The following RABGAP1L variants were observed in gnomAD, a reference collection of about 807,000 sequenced individuals.
RABGAP1L encodes the protein rab GTPase-activating protein 1-like.
In RABGAP1L, 63 loss-of-function variants were observed where a neutral mutation model predicts 137.7. That is an observed-to-expected ratio of 0.46 (90% CI 0.37 to 0.56). The LOEUF (loss-of-function observed/expected upper bound fraction) is 0.56, where lower values mean the gene tolerates loss of function less well. Ranked by LOEUF, RABGAP1L falls within the 20% of genes least tolerant of loss-of-function variation. RABGAP1L has a pLI of 0.00. For synonymous variants in RABGAP1L, 431 were observed against 433.7 expected, an observed-to-expected ratio of 0.99 and a Z score of 0.08; for missense variants, 1,095 against 1,244.0, an observed-to-expected ratio of 0.88 and a Z score of 1.80.
At chr1:174,163,806 T>C (rs1311955746) in intron 1 of RABGAP1L, among the ~76,000 whole-genome samples, 1 of 152,028 alleles carries the variant, frequency 6.6e-6, no homozygotes, top group Non-Finnish European at 1.5e-5. Flanking sequence ...TCCCAGAATA[T>C]GAAGCCTAAC....
chr1:174,251,258 T>G (rs900090937), intron 6 of RABGAP1L, among the ~76,000 whole-genome samples: 3 of 152,130 alleles, frequency 2.0e-5, no homozygotes, highest in Non-Finnish European at 4.4e-5. Flanking sequence ...TTTACACAAT[T>G]GTATATATAT....
chr1:174,878,802 T>C (rs1397195921), intron 19 of RABGAP1L, among the ~76,000 whole-genome samples: 1 of 152,104 alleles, frequency 6.6e-6, no homozygotes, highest in Non-Finnish European at 1.5e-5. Flanking sequence ...ATCAACGTTG[T>C]TTAAATGCTA....
chr1:174,569,069 A>G (rs1667797400), intron 13 of RABGAP1L, among the ~76,000 whole-genome samples: 1 of 152,234 alleles, frequency 6.6e-6, no homozygotes, highest in South Asian at 2.1e-4. Flanking sequence ...AATCAAGGAC[A>G]TAAAGTGGTT....
chr1:174,493,821 G>GGA (rs1388936178), intron 13 of RABGAP1L, among the ~76,000 whole-genome samples: 2 of 89,616 alleles, frequency 2.2e-5, no homozygotes, highest in Non-Finnish European at 4.5e-5. Context: ...GACCCTGTCT[G>GGA]AAAAAAAAAA....
chr1:174,252,618 A>C (rs368076673), intron 7 of RABGAP1L, 28 bp downstream of exon 7: 2 of 1,597,004 alleles, frequency 1.3e-6, no homozygotes, highest in African/African-American at 1.4e-5. Flanking sequence ...AAATGCTACC[A>C]AAAACTTGTA....
chr1:174,783,730 G>A (rs1445857913), intron 18 of RABGAP1L, among the ~76,000 whole-genome samples: 9 of 77,134 alleles, frequency 1.2e-4, no homozygotes, highest in Admixed American at 1.7e-4. Flanking sequence ...TTTTTTTTGA[G>A]ATGGAGCCTC....
At chr1:174,799,650 CTTA>C (rs781427283) in intron 18 of RABGAP1L, among the ~76,000 whole-genome samples, 8 of 152,060 alleles carry the variant, frequency 5.3e-5, no homozygotes, top group Non-Finnish European at 1.2e-4. Context: ...CCATTGGCTT[CTTA>C]TTACAGCATT....
intron 24 of RABGAP1L, among the ~76,000 whole-genome samples, chr1:174,983,250 A>G (rs1004696431): frequency 3.9e-5 from 6 of 151,910 alleles, no homozygotes; most frequent in East Asian, 1.9e-4. Flanking sequence ...TGGCTTCAGT[A>G]TGGGACTCAG....
intron 17 of RABGAP1L, among the ~76,000 whole-genome samples, chr1:174,706,494 G>A (rs1317109860): frequency 1.3e-5 from 2 of 152,036 alleles, no homozygotes; most frequent in East Asian, 1.9e-4. Context: ...AAGTCTAAAT[G>A]TATTAACATT....
At chr1:174,404,022 C>T (rs1415976126) in intron 13 of RABGAP1L, among the ~76,000 whole-genome samples, 1 of 152,136 alleles carries the variant, frequency 6.6e-6, no homozygotes, top group Admixed American at 6.6e-5. Flanking sequence ...TATTCACCAA[C>T]TCTTGATTGA....
chr1:174,372,995 T>C (rs903474737), intron 12 of RABGAP1L, among the ~76,000 whole-genome samples: 1 of 152,238 alleles, frequency 6.6e-6, no homozygotes, highest in Non-Finnish European at 1.5e-5. Flanking sequence ...TGTTCAGTTA[T>C]CATTTTGTCC....
chr1:174,254,193 C>T (rs894708953), intron 7 of RABGAP1L, among the ~76,000 whole-genome samples: 1 of 152,164 alleles, frequency 6.6e-6, no homozygotes, highest in Admixed American at 6.5e-5. Context: ...CATCTTGGTA[C>T]AGTGATGCAT....
At chr1:174,275,639 G>C (rs892588490) in intron 8 of RABGAP1L, among the ~76,000 whole-genome samples, 194 bp from the exon 9 acceptor site, 1 of 152,092 alleles carries the variant, frequency 6.6e-6, no homozygotes, top group Non-Finnish European at 1.5e-5. Context: ...AACTGTGCTT[G>C]AAGAAAGCTG....
At chr1:174,555,036 G>A (rs767204185) in intron 13 of RABGAP1L, among the ~76,000 whole-genome samples, 7 of 152,144 alleles carry the variant, frequency 4.6e-5, no homozygotes, top group Non-Finnish European at 5.9e-5. Context: ...ATTGCAGTGT[G>A]TCCTGATAGA....
intron 15 of RABGAP1L, among the ~76,000 whole-genome samples, chr1:174,691,505 A>T (rs2148498917): frequency 6.6e-6 from 1 of 152,314 alleles, no homozygotes; most frequent in Admixed American, 6.5e-5. Context: ...TCAATTATGC[A>T]TGTGAGGCAG....
At chr1:174,604,742 C>T (rs745600914) in intron 13 of RABGAP1L, among the ~76,000 whole-genome samples, 59 of 152,036 alleles carry the variant, frequency 3.9e-4, no homozygotes, top group Non-Finnish European at 7.5e-4. Flanking sequence ...AAGATTATTA[C>T]CTAAGAAAAA....
At chr1:174,656,236 G>C (rs949782324) in intron 14 of RABGAP1L, among the ~76,000 whole-genome samples, 2 of 152,126 alleles carry the variant, frequency 1.3e-5, no homozygotes, top group Admixed American at 1.3e-4. Flanking sequence ...GCGGGTGGAT[G>C]ACCTGAGGTC....
At chr1:174,375,953 A>T (rs889264992) in intron 12 of RABGAP1L, among the ~76,000 whole-genome samples, 4 of 152,078 alleles carry the variant, frequency 2.6e-5, no homozygotes, top group African/African-American at 9.7e-5. Context: ...CTGTAATCTC[A>T]GCTACCCGGG....
intron 18 of RABGAP1L, among the ~76,000 whole-genome samples, chr1:174,806,236 A>G (rs1264725731): frequency 1.3e-5 from 2 of 152,184 alleles, no homozygotes; most frequent in Non-Finnish European, 2.9e-5. Flanking sequence ...TTGTCAGGGT[A>G]AGGGTTTAGT....
Sources: allele counts gnomAD v4.1 joint callset (sites outside exome capture counted in the v4.1 genomes callset), GRCh38; gene constraint gnomAD v4.1.1; transcripts MANE v1.5; gene names NCBI Gene and HGNC (gene_info 2026-07-23, HGNC 2026-07-21).